OTX1: variants seen among roughly 807,000 people sequenced by gnomAD.
The protein encoded by OTX1 is orthodenticle homeobox 1, also known as homeobox protein OTX1.
In OTX1, 7 loss-of-function variants were observed where a neutral mutation model predicts 26.7. That is an observed-to-expected ratio of 0.26 (90% CI 0.15 to 0.49). OTX1 has a LOEUF of 0.49. OTX1 is among the 20% of genes least tolerant of loss of function. The pLI is 0.98. For missense variants in OTX1, 414 were observed against 483.8 expected, an observed-to-expected ratio of 0.86 and a Z score of 1.35; for synonymous variants, 216 against 212.8, an observed-to-expected ratio of 1.01 and a Z score of -0.13.
chr2:63,054,153 G>T lies in OTX1; in HGVS notation c.204G>T (p.Arg68=). The T allele has an allele frequency of 6.2e-7, 1 of 1,610,592 alleles. No homozygotes were observed. Among genetic ancestry groups the T allele is most frequent in the Non-Finnish European group, 8.5e-7 (1 of 1,178,222 alleles). Residue 68 remains arginine (R), a synonymous_variant, in exon 4 of 5, where the codon CGG becomes CGT. Coordinates refer to ENST00000282549, the MANE Select transcript of OTX1 (RefSeq NM_014562.4). ...CTCGCTACCCTGACATCTTCATGCGGGAGGAGGTGGCGCTCAAGATCAACC... is the reference window on the plus strand; with the variant it reads ...CTCGCTACCCTGACATCTTCATGCGTGAGGAGGTGGCGCTCAAGATCAACC... The part of the protein sequence containing the change: ...AKTRYPDIFM[R]EEVALKINLP...
Position 63,055,608 on chromosome 2 carries a change from G to C in OTX1, c.357G>C (p.Ser119=). Residue 119 remains serine (S), a synonymous_variant, in exon 5 of 5, where the codon TCG becomes TCC. Coordinates refer to ENST00000282549, the MANE Select transcript of OTX1 (RefSeq NM_014562.4). This position sits in a 1 kb window ranked among gnomAD's most constrained non-coding sequence, Gnocchi z 5.2. ...AGTCCTCTCCAGTGCGGGAGAGCTC[G>C]GGCTCCGAAAGCAGTGGCCAATTCA... ...KKKSSPVRES[S]GSESSGQFTP... 8 of 1,614,134 alleles carry C rather than the reference G, an allele frequency of 5.0e-6. No individual in the cohort carries two copies. Among genetic ancestry groups the C allele is most frequent in the Non-Finnish European group, 6.8e-6 (8 of 1,180,040 alleles).
At position 63,056,175 on chromosome 2, in the gene OTX1, G is replaced by A. The variant is rs959366637; in HGVS notation, c.924G>A (p.Gly308=). 1 of 1,613,872 alleles carries A rather than the reference G, an allele frequency of 6.2e-7. No individual in the cohort carries two copies. The highest frequency in any genetic ancestry group is 8.5e-7 in the Non-Finnish European group (1 of 1,180,010). ...HHHHQGYGGS[G]LAFNSADCLD... is the part of the protein sequence containing the mutation. The stretch of plus-strand genomic sequence containing the variant: ...ACCACCAAGGCTACGGTGGCTCTGG[G>A]CTTGCCTTCAACTCTGCCGACTGCT... Residue 308 remains glycine (G), a synonymous_variant, in exon 5 of 5, where the codon GGG becomes GGA. Coordinates refer to ENST00000282549, the MANE Select transcript of OTX1 (RefSeq NM_014562.4).
At chr2:63,053,131 T>G in intron 3 of OTX1, 44 bp downstream of exon 3, 1 of 1,335,204 alleles carries the variant, frequency 7.5e-7, no homozygotes, top group Non-Finnish European at 1.0e-6. Flanking sequence ...TCTCAAATGT[T>G]GGGGACCCCC....
In OTX1 at chr2:63,054,186, G is replaced by A; in HGVS notation, c.237G>A (p.Glu79=). 1.9e-6 allele frequency: 3 copies of A among 1,601,720 alleles called. No individual in the cohort carries two copies. The highest frequency in any genetic ancestry group is 1.7e-6 in the Non-Finnish European group (2 of 1,173,430). The part of the protein sequence containing the change: ...EEVALKINLP[E]SRVQVWFKNR... ...TGGCGCTCAAGATCAACCTGCCGGA[G>A]TCTAGAGTCCAGGTGCGCACTCCCC... Residue 79 remains glutamate, a synonymous_variant, in exon 4 of 5, where the codon GAG becomes GAA. Transcript: ENST00000282549.
At position 63,053,050 on chromosome 2, in the gene OTX1, C is replaced by CA; in HGVS notation, c.60_61insA (p.Ala21SerfsTer44). On this transcript the variant is annotated frameshift_variant, in exon 3 of 5. Transcript: ENST00000282549. LOFTEE classifies it high-confidence loss of function. ...TGAACGGGCTGGGCCTGGCCGGGCC[C>CA]GCCATGGACCTCCTGCACCCATCCG... is the stretch of plus-strand genomic sequence containing the variant. 6.2e-7 allele frequency: 1 copy of CA among 1,603,948 alleles called. No individual in the cohort carries two copies. The highest frequency in any genetic ancestry group is 8.5e-7 in the Non-Finnish European group (1 of 1,176,136).
At chr2:63,050,338 C>T (rs1374460412), upstream of OTX1, among the ~76,000 whole-genome samples, 2 of 152,126 alleles carry the variant, frequency 1.3e-5, no homozygotes, top group Non-Finnish European at 2.9e-5. Flanking sequence ...CCCGCGGCGC[C>T]GGGAGAGGGG....
chr2:63,053,805 T>A (rs1448881754), intron 3 of OTX1: 9 of 531,276 alleles, frequency 1.7e-5, no homozygotes, highest in Non-Finnish European at 2.7e-5. Flanking sequence ...TTTTTTAACC[T>A]CTGAGAGGCA....
chr2:63,052,938 T>C lies in OTX1; in HGVS notation c.-53T>C. 2 of 1,259,972 alleles carry C rather than the reference T, an allele frequency of 1.6e-6. No individual in the cohort carries two copies. The highest frequency in any genetic ancestry group is 2.3e-6 in the Non-Finnish European group (2 of 870,836). The allele number at this position is 1,259,972 out of a possible 1,614,324, so 78.0% of individuals were successfully genotyped here. ...CTGCGTGGTGGGAGCCCTGCACCGC[T>C]CCTGGCCCCGGGCCCCCTGGATCCG... On this transcript the variant is annotated 5_prime_UTR_variant, in exon 3 of 5. Coordinates refer to ENST00000282549, the MANE Select transcript of OTX1 (RefSeq NM_014562.4).
In OTX1 at chr2:63,054,182, C is replaced by G; in HGVS notation, c.233C>G (p.Pro78Arg). 6.2e-7 allele frequency: 1 copy of G among 1,603,128 alleles called. No homozygotes were observed. Among genetic ancestry groups the G allele is most frequent in the Non-Finnish European group, 8.5e-7 (1 of 1,174,280 alleles). The change falls in exon 4 of 5, where the codon CCG (proline) becomes CGG (arginine). Residue 78 changes from proline to arginine, a missense_variant. Physicochemically the swap from Pro to Arg is moderately radical, Grantham distance 103. Transcript: ENST00000282549. ...REEVALKINL[P>R]ESRVQVWFKN... is the part of the protein sequence containing the mutation. ...GAGGTGGCGCTCAAGATCAACCTGC[C>G]GGAGTCTAGAGTCCAGGTGCGCACT...
In OTX1 at chr2:63,053,032, G is replaced by C; in HGVS notation, c.42G>C (p.Gly14=). The change falls in exon 3 of 5, where the codon GGG becomes GGC. Residue 14 remains glycine, a synonymous_variant. Transcript: ENST00000282549. The part of the protein sequence containing the change: ...YLKQPPYGMN[G]LGLAGPAMDL... ...AACAACCCCCATACGGCATGAACGG[G>C]CTGGGCCTGGCCGGGCCCGCCATGG... 3.7e-6 allele frequency: 6 copies of C among 1,607,484 alleles called. No homozygotes were observed. The highest frequency in any genetic ancestry group is 5.1e-6 in the Non-Finnish European group (6 of 1,177,578).
At position 63,056,220 on chromosome 2, in the gene OTX1, C is replaced by T. The variant is rs765513748; in HGVS notation, c.969C>T (p.Gly323=). The T allele has an allele frequency of 1.9e-6, 3 of 1,614,112 alleles. No individual in the cohort carries two copies. Among genetic ancestry groups the T allele is most frequent in the Non-Finnish European group, 1.7e-6 (2 of 1,180,028 alleles). Residue 323 remains glycine, a synonymous_variant, in exon 5 of 5, where the codon GGC becomes GGT. Coordinates refer to ENST00000282549, the MANE Select transcript of OTX1 (RefSeq NM_014562.4). ...SADCLDYKEP[G]AAAASSAWKL... Reference sequence around the variant, plus strand: ...ACTGCTTGGATTACAAGGAGCCTGGCGCCGCTGCTGCTTCCTCCGCCTGGA... The same window carrying T: ...ACTGCTTGGATTACAAGGAGCCTGGTGCCGCTGCTGCTTCCTCCGCCTGGA...
Position 63,056,579 on chromosome 2 carries a change from A to G in OTX1, c.*263A>G. Reference sequence around the variant, plus strand: ...ACATTCTATACAGGAGAGATGTATTATTTCCCCCCTTCAGCCCCTACTAAA... The same window carrying G: ...ACATTCTATACAGGAGAGATGTATTGTTTCCCCCCTTCAGCCCCTACTAAA... On this transcript the variant is annotated 3_prime_UTR_variant, in exon 5 of 5. Transcript: ENST00000282549. The G allele has an allele frequency of 1.9e-6, 1 of 537,174 alleles. No individual in the cohort carries two copies. The highest frequency in any genetic ancestry group is 3.3e-6 in the Non-Finnish European group (1 of 300,116). The allele number at this position is 537,174 out of a possible 1,614,324, so 33.3% of individuals were successfully genotyped here.
chr2:63,056,371 G>C lies in OTX1; in HGVS notation c.*55G>C. 1 of 1,467,942 alleles carries C rather than the reference G, an allele frequency of 6.8e-7. No homozygotes were observed. The highest frequency in any genetic ancestry group is 1.9e-5 in the Admixed American group (1 of 53,516). The allele number at this position is 1,467,942 out of a possible 1,614,324, so 90.9% of individuals were successfully genotyped here. A position where few individuals can be genotyped will look rare whatever the true frequency, so the allele number is the denominator to read the frequency against. ...AACTACCTGCGCCCTCCGTGGTCCCGATCCTGTTGCTGCTGCTGCACCGCC... is the reference window on the plus strand; with the variant it reads ...AACTACCTGCGCCCTCCGTGGTCCCCATCCTGTTGCTGCTGCTGCACCGCC... On this transcript the variant is annotated 3_prime_UTR_variant, in exon 5 of 5. Transcript: ENST00000282549.
chr2:63,053,948 GA>G, intron 3 of OTX1, 98 bp from the exon 4 acceptor site: 1 of 1,387,750 alleles, frequency 7.2e-7, no homozygotes, highest in Non-Finnish European at 9.6e-7. Context: ...TTTCTTTTGC[GA>G]AGGCCGAGAT....
Position 63,052,879 on chromosome 2 carries a change from G to T in OTX1, c.-111-1G>T. The T allele has an allele frequency of 1.5e-6, 1 of 683,392 alleles. No homozygotes were observed. Among genetic ancestry groups the T allele is most frequent in the Non-Finnish European group, 2.5e-6 (1 of 396,450 alleles). 42.3% of individuals were successfully genotyped at this position (683,392 alleles called of 1,614,324 possible). A position where few individuals can be genotyped will look rare whatever the true frequency, so the allele number is the denominator to read the frequency against. On this transcript the variant is annotated splice_acceptor_variant, in intron 2 of 4. Transcript: ENST00000282549. LOFTEE classifies it low-confidence loss of function (5UTR_SPLICE). ...TTTCCGTGTGTCTCGTGTCTTCATA[G>T]GCCAGGCCCCCAGACGCATCAGACC...
At chr2:63,051,414 A>G (rs1406135323) in intron 2 of OTX1, 97 bp downstream of exon 2, 1 of 152,308 alleles carries the variant, frequency 6.6e-6, no homozygotes, top group Non-Finnish European at 1.5e-5. Flanking sequence ...CCCGGTCCCC[A>G]GCAGGTGGTC....
chr2:63,049,776 C>A (rs968130953), upstream of OTX1, among the ~76,000 whole-genome samples: 4 of 152,228 alleles, frequency 2.6e-5, no homozygotes, highest in African/African-American at 9.6e-5. The surrounding 1 kb of genome is among the most constrained non-coding windows in gnomAD (Gnocchi z 4.8). Flanking sequence ...GGAACGAAAA[C>A]TCTTTTTTGC....
At position 63,052,889 on chromosome 2, in the gene OTX1, C is replaced by A; in HGVS notation, c.-102C>A. ...TCTCGTGTCTTCATAGGCCAGGCCCCCAGACGCATCAGACCCTGAAGGACT... is the reference window on the plus strand; with the variant it reads ...TCTCGTGTCTTCATAGGCCAGGCCCACAGACGCATCAGACCCTGAAGGACT... On this transcript the variant is annotated 5_prime_UTR_variant, in exon 3 of 5. Coordinates refer to ENST00000282549, the MANE Select transcript of OTX1 (RefSeq NM_014562.4). 1.4e-6 allele frequency: 1 copy of A among 725,954 alleles called. No individual in the cohort carries two copies. The highest frequency in any genetic ancestry group is 2.7e-5 in the East Asian group (1 of 37,190). 45.0% of individuals were successfully genotyped at this position (725,954 alleles called of 1,614,324 possible).
chr2:63,050,172 C>T (rs2062012593), upstream of OTX1: 1 of 152,240 alleles, frequency 6.6e-6, no homozygotes, highest in African/African-American at 2.4e-5. Flanking sequence ...GGCGCCCTCC[C>T]AGTGGGTGCT....
Sources: allele counts gnomAD v4.1 joint callset (sites outside exome capture counted in the v4.1 genomes callset), GRCh38; gene constraint gnomAD v4.1.1; non-coding constraint Gnocchi (gnomAD v3.1); transcripts MANE v1.5; gene names NCBI Gene and HGNC (gene_info 2026-07-23, HGNC 2026-07-21).